The following FAM133B variants were observed in gnomAD, a reference collection of about 807,000 sequenced individuals.
The protein encoded by FAM133B is protein FAM133B.
Under a neutral mutation model 46.4 loss-of-function variants are expected in FAM133B, and 25 were observed. That is an observed-to-expected ratio of 0.54 (90% confidence interval 0.39 to 0.75). The LOEUF is 0.75. FAM133B is among the 30% of genes least tolerant of loss of function. The probability of loss-of-function intolerance (pLI) is 0.00; values close to 1 mark genes in which losing one functional copy is unlikely to be tolerated. For missense variants in FAM133B, 205 were observed against 277.6 expected (o/e 0.74, Z 1.86); for synonymous variants, 75 against 86.0 (o/e 0.87, Z 0.71).
At chr7:92,566,726 T>G (rs57881351) in intron 9 of FAM133B, among the ~76,000 whole-genome samples, 41,225 of 152,124 alleles carry the variant, frequency 0.27, 6,615 homozygotes, top group African/African-American at 0.45. Context: ...CTGTAAAATG[T>G]AGATAATATC....
chr7:92,578,077 T>G, intron 5 of FAM133B, 73 bp downstream of exon 5: 3 of 1,355,026 alleles, frequency 2.2e-6, no homozygotes, highest in Non-Finnish European at 3.1e-6. Context: ...GCATACAGGT[T>G]AAACAAATTA....
chr7:92,565,232 C>T (rs1317984319), intron 10 of FAM133B, among the ~76,000 whole-genome samples: 2 of 148,986 alleles, frequency 1.3e-5, no homozygotes, highest in Non-Finnish European at 3.0e-5. Flanking sequence ...CTCACTGCAA[C>T]CTCTGCTGCC....
intron 9 of FAM133B, among the ~76,000 whole-genome samples, chr7:92,567,770 AT>A (rs562401231): frequency 5.4e-4 from 80 of 147,166 alleles, no homozygotes; most frequent in African/African-American, 1.1e-3. Flanking sequence ...AGAAACTAAA[AT>A]TTTTTTTTTT....
chr7:92,573,996 G>A (rs771827706), intron 8 of FAM133B, among the ~76,000 whole-genome samples: 21 of 151,900 alleles, frequency 1.4e-4, no homozygotes, highest in Non-Finnish European at 2.5e-4. Context: ...ATGCCATCAC[G>A]CCTGGTTAGT....
intron 1 of FAM133B, among the ~76,000 whole-genome samples, chr7:92,589,584 T>TAGGTCACAA: frequency 6.6e-6 from 1 of 152,334 alleles, no homozygotes; most frequent in South Asian, 2.1e-4. Flanking sequence ...TAACTTGTTC[T>TAGGTCACAA]AGGTCACCCA....
Position 92,562,114 on chromosome 7 carries a change from T to A in FAM133B, c.*168A>T, listed in dbSNP as rs1794175400. 1.1e-5 allele frequency: 7 copies of A among 653,794 alleles called. No individual in the cohort carries two copies. In the South Asian group the frequency reaches 1.2e-4, roughly 11 times the overall value. The allele number at this position is 653,794 out of a possible 1,614,324, so 40.5% of individuals were successfully genotyped here. ...ATAGATGTTCAAGCAGCAGGCAACA[T>A]TTATGGCCCTTTCACACAGTGGCAT... On this transcript the variant is annotated 3_prime_UTR_variant, in exon 11 of 11. Coordinates refer to ENST00000445716, the MANE Select transcript of FAM133B (RefSeq NM_152789.4).
chr7:92,576,268 T>A (rs1419955213), intron 7 of FAM133B, among the ~76,000 whole-genome samples: 2 of 152,210 alleles, frequency 1.3e-5, no homozygotes, highest in African/African-American at 4.8e-5. Context: ...CTTCCTGAAG[T>A]TGTTGAGATT....
At chr7:92,583,481 A>G (rs1794947753) in intron 1 of FAM133B, among the ~76,000 whole-genome samples, 1 of 152,216 alleles carries the variant, frequency 6.6e-6, no homozygotes, top group South Asian at 2.1e-4. Context: ...TTTTAGCTCA[A>G]TTAAAACATC....
chr7:92,577,268 C>CT, intron 6 of FAM133B, 73 bp from the exon 7 acceptor site: 1 of 1,050,206 alleles, frequency 9.5e-7, no homozygotes, highest in South Asian at 2.2e-5. Flanking sequence ...TAATATAAAA[C>CT]TTTTATCAGT....
At chr7:92,573,823 A>G (rs1332209024) in intron 8 of FAM133B, among the ~76,000 whole-genome samples, 2 of 151,928 alleles carry the variant, frequency 1.3e-5, no homozygotes, top group East Asian at 3.8e-4. Context: ...TTATCCTTGA[A>G]TTCTTGGAAT....
chr7:92,584,794 G>A (rs1243174599), intron 1 of FAM133B, among the ~76,000 whole-genome samples: 8 of 152,140 alleles, frequency 5.3e-5, no homozygotes, highest in South Asian at 2.1e-4. Flanking sequence ...TTAGTTCACC[G>A]TTTGTAAAAC....
Position 92,581,794 on chromosome 7 carries a change from T to TTG in FAM133B, c.25-193_25-192dup, listed in dbSNP as rs10578440. 3.7e-3 allele frequency: 1,178 copies of TTG among 316,322 alleles called. 1 individual carries two copies. Among genetic ancestry groups the TTG allele is most frequent in the Middle Eastern group, 7.2e-3 (7 of 968 alleles). 19.6% of individuals were successfully genotyped at this position (316,322 alleles called of 1,614,324 possible). A position where few individuals can be genotyped will look rare whatever the true frequency, so the allele number is the denominator to read the frequency against. Reference sequence around the variant, plus strand: ...TAAGTCTTAAAAGTTTGGGAGAAAATTGTGTGTGTGTGTGTGTGTGTGTGT... The same window carrying TTG: ...TAAGTCTTAAAAGTTTGGGAGAAAATTGTGTGTGTGTGTGTGTGTGTGTGTGT... On this transcript the variant is annotated intron_variant, in intron 1 of 10. Coordinates refer to ENST00000445716, the MANE Select transcript of FAM133B (RefSeq NM_152789.4).
chr7:92,565,809 A>T, intron 10 of FAM133B: 1 of 588,742 alleles, frequency 1.7e-6, no homozygotes, highest in East Asian at 2.8e-5. Context: ...GAAACAGGAC[A>T]TGCTTGCTAC....
At chr7:92,588,783 T>A (rs1341904954) in intron 1 of FAM133B, among the ~76,000 whole-genome samples, 1 of 152,132 alleles carries the variant, frequency 6.6e-6, no homozygotes, top group Non-Finnish European at 1.5e-5. Context: ...TCTCAACAGA[T>A]GCGGTTGTTT....
At chr7:92,575,485 A>C (rs1464275760) in intron 8 of FAM133B, among the ~76,000 whole-genome samples, 1 of 152,178 alleles carries the variant, frequency 6.6e-6, no homozygotes, top group Non-Finnish European at 1.5e-5. Flanking sequence ...AAGAAAAAGA[A>C]AAAAAGAAAT....
At chr7:92,563,259 T>C (rs1468347950) in intron 10 of FAM133B, among the ~76,000 whole-genome samples, 1 of 152,218 alleles carries the variant, frequency 6.6e-6, no homozygotes, top group East Asian at 1.9e-4. Context: ...TCTACCACTC[T>C]GTGGCACTAA....
chr7:92,574,813 G>A (rs1794644346), intron 8 of FAM133B, among the ~76,000 whole-genome samples: 2 of 151,612 alleles, frequency 1.3e-5, no homozygotes, highest in South Asian at 4.2e-4. Flanking sequence ...GCTGAGGCAG[G>A]AGAATGGCAT....
intron 8 of FAM133B, among the ~76,000 whole-genome samples, chr7:92,572,565 A>G (rs1794563662): frequency 6.6e-6 from 1 of 152,134 alleles, no homozygotes; most frequent in Non-Finnish European, 1.5e-5. Context: ...TGAAAATACA[A>G]AAAAGTAGCT....
intron 9 of FAM133B, among the ~76,000 whole-genome samples, chr7:92,568,099 T>G (rs1198449334): frequency 6.6e-6 from 1 of 152,082 alleles, no homozygotes; most frequent in African/African-American, 2.4e-5. Flanking sequence ...TTTTTTTATT[T>G]TTTTAAAGAG....
Sources: gnomAD v4.1 joint callset for allele counts (sites outside exome capture counted in the v4.1 genomes callset) on GRCh38, gnomAD v4.1.1 for gene constraint, MANE v1.5 for transcripts, NCBI Gene and HGNC (gene_info 2026-07-23, HGNC 2026-07-21) for gene names.